Variants in EFL1 observed in about 807,000 individuals in gnomAD.
The protein encoded by EFL1 is elongation factor-like GTPase 1.
Under a neutral mutation model 126.7 loss-of-function variants are expected in EFL1, and 76 were observed. That is an observed-to-expected ratio of 0.60 (90% confidence interval 0.50 to 0.73). The LOEUF is 0.73. EFL1 is among the 30% of genes least tolerant of loss of function. The probability of loss-of-function intolerance (pLI) is 0.00; values close to 1 mark genes in which losing one functional copy is unlikely to be tolerated. For synonymous variants in EFL1, 410 were observed against 448.4 expected (o/e 0.91, Z 1.08); for missense variants, 1,128 against 1,343.2 (o/e 0.84, Z 2.50).
intron 18 of EFL1, among the ~76,000 whole-genome samples, chr15:82,150,432 G>T (rs993603691): frequency 6.6e-6 from 1 of 152,184 alleles, no homozygotes; most frequent in Non-Finnish European, 1.5e-5. Flanking sequence ...TACTGAAACA[G>T]TTCCATGATC....
At chr15:82,155,416 T>G (rs2073957405) in intron 17 of EFL1, among the ~76,000 whole-genome samples, 1 of 152,078 alleles carries the variant, frequency 6.6e-6, no homozygotes, top group Admixed American at 6.5e-5. Context: ...GCAGGAGAAT[T>G]GCCTGAGCCC....
chr15:82,140,437 A>G (rs1214824920), intron 18 of EFL1, among the ~76,000 whole-genome samples: 3 of 150,036 alleles, frequency 2.0e-5, no homozygotes, highest in East Asian at 2.0e-4. Context: ...TTCTCCTTAC[A>G]CTCCTGGCCT....
intron 15 of EFL1, among the ~76,000 whole-genome samples, chr15:82,203,305 G>A (rs1417652038): frequency 2.0e-5 from 3 of 152,044 alleles, no homozygotes; most frequent in African/African-American, 7.3e-5. Flanking sequence ...ATTTCTCTGT[G>A]CATTTATTTA....
intron 19 of EFL1, among the ~76,000 whole-genome samples, 173 bp downstream of exon 19, chr15:82,138,485 G>A (rs2141212902): frequency 6.7e-6 from 1 of 150,272 alleles, no homozygotes; most frequent in Admixed American, 6.7e-5. Flanking sequence ...GATGATCTCA[G>A]GCTCATTCAA....
intron 11 of EFL1, among the ~76,000 whole-genome samples, chr15:82,226,568 C>T (rs577203547): frequency 2.0e-4 from 30 of 152,064 alleles, no homozygotes; most frequent in Non-Finnish European, 3.2e-4. Flanking sequence ...GGTGAGCAGG[C>T]TTGGGGATAA....
intron 17 of EFL1, 28 bp from the exon 18 acceptor site, chr15:82,152,451 G>T (rs780624355): frequency 7.7e-6 from 12 of 1,557,264 alleles, no homozygotes; most frequent in Non-Finnish European, 1.0e-5. Context: ...AGAAATAACA[G>T]AAGGTTAAAA....
At chr15:82,169,600 C>A (rs955666278) in intron 15 of EFL1, among the ~76,000 whole-genome samples, 22 of 152,016 alleles carry the variant, frequency 1.4e-4, no homozygotes, top group African/African-American at 5.1e-4. Context: ...CATATTAGTT[C>A]TTTATGTAAT....
intron 2 of EFL1, among the ~76,000 whole-genome samples, chr15:82,260,005 T>TA (rs2075099373): frequency 6.6e-6 from 1 of 152,154 alleles, no homozygotes; most frequent in South Asian, 2.1e-4. Flanking sequence ...GTACACCAAG[T>TA]ATATACCTCC....
At chr15:82,175,521 C>T (rs1043228335) in intron 15 of EFL1, among the ~76,000 whole-genome samples, 1 of 152,082 alleles carries the variant, frequency 6.6e-6, no homozygotes, top group Non-Finnish European at 1.5e-5. Flanking sequence ...GGTATTAATA[C>T]CATTTTCAAT....
chr15:82,252,848 A>G (rs1454401940), intron 3 of EFL1, 73 bp from the exon 4 acceptor site: 1 of 974,168 alleles, frequency 1.0e-6, no homozygotes, highest in South Asian at 1.6e-5. Flanking sequence ...GCTAATTTAG[A>G]TTTTTGTTTT....
At chr15:82,139,021 T>C (rs938841439) in intron 18 of EFL1, among the ~76,000 whole-genome samples, 179 bp from the exon 19 acceptor site, 3 of 152,138 alleles carry the variant, frequency 2.0e-5, no homozygotes, top group African/African-American at 4.8e-5. Flanking sequence ...ATGAGATTTA[T>C]AGAAAAATTG....
intron 15 of EFL1, among the ~76,000 whole-genome samples, chr15:82,202,659 G>A (rs1055838974): frequency 5.3e-5 from 8 of 151,922 alleles, no homozygotes; most frequent in Non-Finnish European, 1.0e-4. Context: ...TGTTGCCCAG[G>A]GCTACAAGGC....
chr15:82,152,830 C>A (rs1270598606), intron 17 of EFL1, among the ~76,000 whole-genome samples: 2 of 152,132 alleles, frequency 1.3e-5, no homozygotes, highest in African/African-American at 4.8e-5. Context: ...TCTAAATAGA[C>A]ATAGAATCAC....
In EFL1 at chr15:82,138,823, C is replaced by T; in HGVS notation, c.3009G>A (p.Leu1003=). 6.2e-7 allele frequency: 1 copy of T among 1,613,656 alleles called. No homozygotes were observed. Among genetic ancestry groups the T allele is most frequent in the Non-Finnish European group, 8.5e-7 (1 of 1,179,760 alleles). ...GAAGTACCCGACCTTCTCTCTTTGA[C>T]AAGACAGCATAGACTCGACCTGTAA... is the stretch of plus-strand genomic sequence containing the variant. ...GDVLGRVYAV[L]SKREGRVLQE... Residue 1003 remains leucine (L), a synonymous_variant, in exon 19 of 20, where the codon TTG becomes TTA. Transcript: ENST00000268206.
At chr15:82,163,699 G>C (rs942482955) in intron 16 of EFL1, among the ~76,000 whole-genome samples, 154 bp downstream of exon 16, 1 of 152,162 alleles carries the variant, frequency 6.6e-6, no homozygotes, top group African/African-American at 2.4e-5. Context: ...TAAGACAGAA[G>C]TTAGATGCCC....
chr15:82,134,127 G>A (rs1303899605), intron 19 of EFL1, among the ~76,000 whole-genome samples: 2 of 152,188 alleles, frequency 1.3e-5, no homozygotes, highest in Non-Finnish European at 2.9e-5. Flanking sequence ...TCATATGACT[G>A]TATGAAGACA....
intron 5 of EFL1, 85 bp from the exon 6 acceptor site, chr15:82,240,640 A>G: frequency 2.0e-6 from 3 of 1,477,604 alleles, no homozygotes; most frequent in Admixed American, 2.0e-5. Context: ...TAACCACTCT[A>G]GACTATGCCA....
chr15:82,214,496 T>C (rs1196402919), intron 15 of EFL1, among the ~76,000 whole-genome samples: 1 of 152,182 alleles, frequency 6.6e-6, no homozygotes, highest in Non-Finnish European at 1.5e-5. Context: ...ATTTACTAAT[T>C]ACTTAAGCAA....
intron 15 of EFL1, among the ~76,000 whole-genome samples, chr15:82,176,613 C>T (rs182785508): frequency 3.0e-4 from 45 of 152,198 alleles, no homozygotes; most frequent in Admixed American, 2.2e-3. Context: ...GCAAAATCTA[C>T]GTAATATACT....
Sources: allele counts gnomAD v4.1 joint callset (sites outside exome capture counted in the v4.1 genomes callset), GRCh38; gene constraint gnomAD v4.1.1; transcripts MANE v1.5; gene names NCBI Gene and HGNC (gene_info 2026-07-23, HGNC 2026-07-21).